Variants in MSI2 observed in about 807,000 individuals in gnomAD.
MSI2 encodes RNA-binding protein Musashi homolog 2.
MSI2 carries 17 observed loss-of-function variants against 45.6 expected under a neutral mutation model. The observed-to-expected ratio is 0.37, with a 90% CI of 0.26 to 0.56. The LOEUF (loss-of-function observed/expected upper bound fraction) is 0.56. MSI2 is among the 20% of genes least tolerant of loss of function. The pLI is 0.77. For synonymous variants in MSI2, 156 were observed against 158.2 expected, an observed-to-expected ratio of 0.99 and a Z score of 0.11; for missense variants, 293 against 444.2, an observed-to-expected ratio of 0.66 and a Z score of 3.06.
intron 5 of MSI2, among the ~76,000 whole-genome samples, chr17:57,376,895 C>T (rs1434412189): frequency 7.3e-6 from 1 of 136,370 alleles, no homozygotes; most frequent in East Asian, 2.5e-4. Context: ...CATGGTCATT[C>T]TGGGTGTCAC....
chr17:57,492,274 A>C (rs1486064638), intron 6 of MSI2, among the ~76,000 whole-genome samples: 1 of 152,220 alleles, frequency 6.6e-6, no homozygotes, highest in Non-Finnish European at 1.5e-5. Context: ...GGACAAGTAA[A>C]AATCAGGACG....
chr17:57,349,504 T>C (rs792393), intron 5 of MSI2, among the ~76,000 whole-genome samples: 53,139 of 152,078 alleles, frequency 0.35, 11,909 homozygotes, highest in African/African-American at 0.64. Flanking sequence ...TAAAGAAATA[T>C]AGGAAAGCTC....
chr17:57,462,036 G>A (rs1302532714), intron 6 of MSI2, among the ~76,000 whole-genome samples: 3 of 152,168 alleles, frequency 2.0e-5, no homozygotes, highest in Non-Finnish European at 2.9e-5. Flanking sequence ...ATAAGGGTGC[G>A]GGCAGGGTTG....
intron 6 of MSI2, among the ~76,000 whole-genome samples, chr17:57,518,440 C>G (rs1239786333): frequency 6.6e-6 from 1 of 152,166 alleles, no homozygotes; most frequent in Admixed American, 6.5e-5. Flanking sequence ...TCATGCCCAT[C>G]AATATCAGCC....
intron 10 of MSI2, among the ~76,000 whole-genome samples, chr17:57,646,531 G>T (rs905970193): frequency 6.6e-6 from 1 of 152,236 alleles, no homozygotes; most frequent in African/African-American, 2.4e-5. Flanking sequence ...ATGAAGGGAC[G>T]TTAGAGGTCA....
At chr17:57,503,823 C>T (rs1444273761) in intron 6 of MSI2, among the ~76,000 whole-genome samples, 1 of 152,246 alleles carries the variant, frequency 6.6e-6, no homozygotes, top group Non-Finnish European at 1.5e-5. Context: ...CGGCTCACGA[C>T]AACCTCCGCC....
chr17:57,659,081 T>TTTG (rs762024005), intron 11 of MSI2, among the ~76,000 whole-genome samples: 65 of 151,670 alleles, frequency 4.3e-4, no homozygotes, highest in African/African-American at 1.5e-3. Flanking sequence ...GGTTGGTTGG[T>TTTG]TTGTTGTTGT....
At chr17:57,256,919 C>T (rs1192046656) in intron 1 of MSI2, 115 bp downstream of exon 1, 3 of 334,386 alleles carry the variant, frequency 9.0e-6, no homozygotes, top group African/African-American at 2.6e-5. Context: ...CTCCCGCGCG[C>T]CCCCCCCGTG....
chr17:57,286,545 A>G (rs1233768569), intron 5 of MSI2, among the ~76,000 whole-genome samples: 1 of 151,408 alleles, frequency 6.6e-6, no homozygotes. Context: ...GGTAACCAAT[A>G]AAAGAGTTTG....
rs368655017 is a variant in MSI2, at chr17:57,350,225, G to GGGGTGTGTGT, written c.313-51153_313-51152insGGTGTGTGTG. ...TATTGTTAACAGTGCCAGAGGTAGG[G>GGGGTGTGTGT]GTGTGTGTGTGTGTGTGTGTGTGTG... On this transcript the variant is annotated intron_variant, in intron 5 of 13. Transcript: ENST00000284073. 5.4e-3 allele frequency among the ~76,000 whole-genome samples: 799 copies of GGGGTGTGTGT among 146,740 alleles called. 5 individuals carry two copies. Among genetic ancestry groups the GGGGTGTGTGT allele is most frequent in the Non-Finnish European group, 7.9e-3 (526 of 66,772 alleles).
intron 5 of MSI2, among the ~76,000 whole-genome samples, chr17:57,394,284 C>T (rs2083849266): frequency 6.6e-6 from 1 of 152,180 alleles, no homozygotes; most frequent in African/African-American, 2.4e-5. Flanking sequence ...TTTGGCTTCT[C>T]CATTTGTCAC....
intron 8 of MSI2, among the ~76,000 whole-genome samples, chr17:57,613,648 C>T (rs770635814): frequency 2.0e-5 from 3 of 152,172 alleles, no homozygotes; most frequent in Non-Finnish European, 2.9e-5. Context: ...GAAACCCTTA[C>T]ATCAAACAAT....
intron 5 of MSI2, among the ~76,000 whole-genome samples, chr17:57,354,199 G>C (rs1916252460): frequency 1.3e-5 from 2 of 152,330 alleles, no homozygotes; most frequent in South Asian, 4.1e-4. Context: ...GAGAAAAACA[G>C]ATGGCAGACC....
intron 7 of MSI2, among the ~76,000 whole-genome samples, chr17:57,570,297 AC>A (rs1053763383): frequency 4.0e-5 from 6 of 151,560 alleles, no homozygotes; most frequent in African/African-American, 1.5e-4. Flanking sequence ...GTCTTTTAAA[AC>A]CCCCCAGGTG....
chr17:57,353,844 G>A (rs1916221039), intron 5 of MSI2, among the ~76,000 whole-genome samples: 1 of 152,130 alleles, frequency 6.6e-6, no homozygotes, highest in African/African-American at 2.4e-5. Flanking sequence ...TGAGCAGTAA[G>A]TCTGTCATGG....
At chr17:57,533,178 G>T (rs2086855830) in intron 7 of MSI2, among the ~76,000 whole-genome samples, 1 of 152,134 alleles carries the variant, frequency 6.6e-6, no homozygotes, top group Non-Finnish European at 1.5e-5. Context: ...AGTTCCATCT[G>T]CATGGCGGCA....
At chr17:57,694,071 T>C in the MSI2 span, among the ~76,000 whole-genome samples, 1 of 152,238 alleles carries the variant, frequency 6.6e-6, no homozygotes, top group African/African-American at 2.4e-5. Context: ...ACATATTGTC[T>C]ATGGCTGCTT....
intron 5 of MSI2, among the ~76,000 whole-genome samples, chr17:57,362,428 G>A (rs534690586): frequency 2.6e-5 from 4 of 152,314 alleles, no homozygotes; most frequent in South Asian, 2.1e-4. Context: ...GAGAGATGGC[G>A]AAGTAACTTG....
chr17:57,256,965 C>A, intron 1 of MSI2, 133 bp from the exon 2 acceptor site: 3 of 1,433,026 alleles, frequency 2.1e-6, no homozygotes, highest in South Asian at 2.5e-5. Flanking sequence ...TTCGCCGTCA[C>A]CTTCTCCCCC....
Sources: gnomAD v4.1 joint callset for allele counts (sites outside exome capture counted in the v4.1 genomes callset) on GRCh38, gnomAD v4.1.1 for gene constraint, MANE v1.5 for transcripts, NCBI Gene and HGNC (gene_info 2026-07-23, HGNC 2026-07-21) for gene names.